SHANK2: variants seen among roughly 807,000 people sequenced by gnomAD.
SHANK2 encodes the protein SH3 and multiple ankyrin repeat domains 2.
SHANK2 carries 43 observed loss-of-function variants against 133.7 expected under a neutral mutation model. That is an observed-to-expected ratio of 0.32 (90% CI 0.25 to 0.41). SHANK2 has a LOEUF of 0.41. SHANK2 is among the 10% of genes least tolerant of loss of function. SHANK2 has a pLI of 1.00. For missense variants in SHANK2, 1,994 were observed against 2,235.8 expected, an observed-to-expected ratio of 0.89 and a Z score of 2.18; for synonymous variants, 1,017 against 952.8, an observed-to-expected ratio of 1.07 and a Z score of -1.24.
rs539852478 is a variant in SHANK2, at chr11:70,663,624, C to T, written c.1854-1946G>A. ...GACCAGGACAATCCAGGTGACTGGT[C>T]ACTCCCGTTGTCAGCAGCTGGGAGG... On this transcript the variant is annotated intron_variant, in intron 15 of 25. Coordinates refer to ENST00000601538, the MANE Select transcript of SHANK2 (RefSeq NM_012309.5). Among the ~76,000 whole-genome samples the T allele has an allele frequency of 7.2e-5, 11 of 152,304 alleles. No individual in the cohort carries two copies. In the South Asian group the frequency reaches 2.3e-3, roughly 32 times the overall value.
chr11:71,206,760 C>T (rs550167602), intron 2 of SHANK2, among the ~76,000 whole-genome samples: 2 of 152,160 alleles, frequency 1.3e-5, no homozygotes, highest in African/African-American at 2.4e-5. Context: ...CATAGCAAGA[C>T]GCGGCAACTA....
chr11:70,647,711 G>A (rs545418924), intron 17 of SHANK2: 6 of 152,348 alleles, frequency 3.9e-5, no homozygotes, highest in Non-Finnish European at 7.3e-5. Flanking sequence ...CAGCAGTTAA[G>A]CTTTTGTTGG....
At chr11:70,813,354 G>A (rs1285073254) in intron 12 of SHANK2, among the ~76,000 whole-genome samples, 18 of 152,166 alleles carry the variant, frequency 1.2e-4, no homozygotes, top group African/African-American at 2.9e-4. Flanking sequence ...GCCACACGGC[G>A]CAGTGGTGCC....
chr11:70,736,504 G>A (rs2134765329), intron 14 of SHANK2, among the ~76,000 whole-genome samples: 1 of 152,274 alleles, frequency 6.6e-6, no homozygotes, highest in Middle Eastern at 3.4e-3. Context: ...CAGAGCAGAA[G>A]GCCATGGGAG....
chr11:70,952,615 T>C (rs1028648613), intron 10 of SHANK2: 4 of 253,074 alleles, frequency 1.6e-5, no homozygotes, highest in Admixed American at 4.5e-5. Flanking sequence ...TGCCGTGGCT[T>C]TTCTGTGTGG....
intron 17 of SHANK2, among the ~76,000 whole-genome samples, chr11:70,552,194 G>C (rs2059779072): frequency 1.3e-5 from 2 of 152,186 alleles, no homozygotes; most frequent in Admixed American, 1.3e-4. Context: ...GTTGGAAGGG[G>C]CAACCGGCAT....
At chr11:70,779,236 AGT>A (rs1442310003) in intron 14 of SHANK2, among the ~76,000 whole-genome samples, 16 of 151,214 alleles carry the variant, frequency 1.1e-4, no homozygotes, top group African/African-American at 3.6e-4. Flanking sequence ...CGAGGCTCTG[AGT>A]GTGTTTTAAT....
At chr11:70,824,923 C>A (rs781899859) in intron 11 of SHANK2, among the ~76,000 whole-genome samples, 2 of 152,072 alleles carry the variant, frequency 1.3e-5, no homozygotes, top group African/African-American at 4.8e-5. Context: ...GGTGTGAGAG[C>A]CAAAATCTCA....
At chr11:70,864,577 A>G (rs1434007825) in intron 11 of SHANK2, 1 of 152,258 alleles carries the variant, frequency 6.6e-6, no homozygotes, top group Non-Finnish European at 1.5e-5. Flanking sequence ...GAAGGCCTCT[A>G]TTCTTGTAAT....
At chr11:70,760,231 A>C (rs560931530) in intron 14 of SHANK2, among the ~76,000 whole-genome samples, 1 of 152,342 alleles carries the variant, frequency 6.6e-6, no homozygotes, top group South Asian at 2.1e-4. Flanking sequence ...GAGTATGCTT[A>C]ACCTGCCATA....
At chr11:70,875,803 C>T (rs1009298673) in intron 11 of SHANK2, among the ~76,000 whole-genome samples, 2 of 148,422 alleles carry the variant, frequency 1.3e-5, no homozygotes, top group South Asian at 2.2e-4. Context: ...CCGCAGTTGG[C>T]GGTGAATGCA....
chr11:71,221,227 G>C (rs1369326027), intron 2 of SHANK2, among the ~76,000 whole-genome samples: 1 of 150,652 alleles, frequency 6.6e-6, no homozygotes, highest in African/African-American at 2.4e-5. Flanking sequence ...AAAAGATGAA[G>C]ATGGTAAATT....
At chr11:71,198,999 C>T (rs1285106211) in intron 2 of SHANK2, among the ~76,000 whole-genome samples, 1 of 152,140 alleles carries the variant, frequency 6.6e-6, no homozygotes, top group African/African-American at 2.4e-5. Context: ...GCCACCATGC[C>T]GCAATGGACA....
rs375644246 is a variant in SHANK2, at chr11:70,489,425, A to G, written c.2552-77T>C. The G allele has an allele frequency of 2.5e-4, 362 of 1,456,858 alleles. 1 individual carries two copies. The highest frequency in any genetic ancestry group is 3.5e-4 in the Middle Eastern group (2 of 5,794). 90.2% of individuals were successfully genotyped at this position (1,456,858 alleles called of 1,614,324 possible). A position where few individuals can be genotyped will look rare whatever the true frequency, so the allele number is the denominator to read the frequency against. On this transcript the variant is annotated intron_variant, in intron 23 of 25. Transcript: ENST00000601538. ...CAGCTTTCCCTGAGTTTGCTGGTGC[A>G]GGGGGAGCTTTAAGCACAGCAGACA...
chr11:70,603,672 T>C (rs2060530933), intron 17 of SHANK2: 1 of 152,674 alleles, frequency 6.5e-6, no homozygotes, highest in Non-Finnish European at 1.5e-5. Context: ...GGCAGCCCTC[T>C]CCTGGGCCAG....
At chr11:70,525,906 C>T (rs1252408621) in intron 17 of SHANK2, among the ~76,000 whole-genome samples, 2 of 152,032 alleles carry the variant, frequency 1.3e-5, no homozygotes, top group African/African-American at 4.8e-5. Context: ...GACTTCTCCA[C>T]CTTAGTCTTG....
At chr11:71,202,394 G>A (rs1954035656) in intron 2 of SHANK2, among the ~76,000 whole-genome samples, 4 of 152,310 alleles carry the variant, frequency 2.6e-5, no homozygotes, top group Admixed American at 2.0e-4. Flanking sequence ...CAGCCTACCT[G>A]GCGGGTGGGC....
At chr11:71,174,126 G>C (rs1295728702) in intron 2 of SHANK2, among the ~76,000 whole-genome samples, 1 of 152,204 alleles carries the variant, frequency 6.6e-6, no homozygotes, top group Non-Finnish European at 1.5e-5. Context: ...TGATATGTAC[G>C]CTTCAAGTCT....
chr11:71,209,751 G>C (rs1954213218), intron 2 of SHANK2, among the ~76,000 whole-genome samples: 1 of 152,184 alleles, frequency 6.6e-6, no homozygotes, highest in Non-Finnish European at 1.5e-5. Flanking sequence ...CTGCTCTGGA[G>C]GTGAGGGTCT....
Sources: gnomAD v4.1 joint callset for allele counts (sites outside exome capture counted in the v4.1 genomes callset) on GRCh38, gnomAD v4.1.1 for gene constraint, MANE v1.5 for transcripts, NCBI Gene and HGNC (gene_info 2026-07-23, HGNC 2026-07-21) for gene names.